ADAMTSL1: variants seen among roughly 807,000 people sequenced by gnomAD.
ADAMTSL1 encodes ADAMTS like 1.
In ADAMTSL1, 126 loss-of-function variants were observed where a neutral mutation model predicts 201.8. That is an observed-to-expected ratio of 0.62 (90% CI 0.54 to 0.72). The LOEUF (loss-of-function observed/expected upper bound fraction) is 0.72. Ranked by LOEUF, ADAMTSL1 falls within the 30% of genes least tolerant of loss-of-function variation. The pLI is 0.00. For synonymous variants in ADAMTSL1, 1,121 were observed against 903.4 expected (o/e 1.24, Z -4.32); for missense variants, 2,679 against 2,277.8 (o/e 1.18, Z -3.59).
At chr9:18,283,543 C>T (rs1428082046) in intron 2 of ADAMTSL1, among the ~76,000 whole-genome samples, 3 of 139,414 alleles carry the variant, frequency 2.2e-5, no homozygotes, top group Admixed American at 7.8e-5. Flanking sequence ...GAAGTTGAGG[C>T]TGCAGTGAGC....
intron 1 of ADAMTSL1, among the ~76,000 whole-genome samples, chr9:17,961,228 C>A (rs1418597818): frequency 6.6e-6 from 1 of 151,962 alleles, no homozygotes; most frequent in African/African-American, 2.4e-5. Flanking sequence ...GGTACAATAA[C>A]TTTTCATGGA....
chr9:18,379,842 AT>A (rs1837473109), intron 2 of ADAMTSL1, among the ~76,000 whole-genome samples: 2 of 152,192 alleles, frequency 1.3e-5, no homozygotes, highest in South Asian at 4.1e-4. Flanking sequence ...AATGAGCAGC[AT>A]TTCCCATTTT....
At position 18,020,738 on chromosome 9, in the gene ADAMTSL1, G is replaced by A. The variant is rs1820447769; in HGVS notation, c.87+113816G>A. ...ATATCACCCGGGTTCCTTGGAACAG[G>A]CATCAACTGACATAGAGGGAGTCTC... is the stretch of plus-strand genomic sequence containing the variant. On this transcript the variant is annotated intron_variant, in intron 1 of 29. Transcript: ENST00000680146. Among the ~76,000 whole-genome samples the A allele has an allele frequency of 3.3e-5, 5 of 152,036 alleles. No homozygotes were observed. In the South Asian group the frequency reaches 8.3e-4, roughly 25 times the overall value.
chr9:18,766,659 C>T (rs1820383194), intron 16 of ADAMTSL1, among the ~76,000 whole-genome samples: 1 of 152,180 alleles, frequency 6.6e-6, no homozygotes, highest in Admixed American at 6.5e-5. Context: ...CTAGTGAGAA[C>T]CCTCTTTCTG....
chr9:18,709,812 G>A (rs1012406520), intron 14 of ADAMTSL1, among the ~76,000 whole-genome samples: 4 of 152,152 alleles, frequency 2.6e-5, no homozygotes, highest in Admixed American at 1.3e-4. Context: ...TAAAATCCAC[G>A]TTAAAATCTA....
chr9:18,428,132 A>AT (rs1296039604), intron 2 of ADAMTSL1, among the ~76,000 whole-genome samples: 3 of 152,100 alleles, frequency 2.0e-5, no homozygotes, highest in African/African-American at 4.8e-5. Flanking sequence ...TCATTATATA[A>AT]TTTTTCCACA....
intron 2 of ADAMTSL1, among the ~76,000 whole-genome samples, chr9:18,382,558 G>C (rs1837601825): frequency 6.6e-6 from 1 of 151,896 alleles, no homozygotes; most frequent in South Asian, 2.1e-4. Flanking sequence ...ACCTCTACTG[G>C]CACATGGAGT....
intron 25 of ADAMTSL1, chr9:18,890,705 C>G (rs888063864): frequency 7.1e-5 from 28 of 392,040 alleles, no homozygotes; most frequent in African/African-American, 5.5e-4. Context: ...CATAGCCTGG[C>G]CCGCTCCTTT....
chr9:18,026,938 G>T (rs1047540352), intron 1 of ADAMTSL1, among the ~76,000 whole-genome samples: 1 of 151,836 alleles, frequency 6.6e-6, no homozygotes, highest in Non-Finnish European at 1.5e-5. Context: ...TCAATCTTGG[G>T]AGTTATGTGT....
At chr9:18,860,464 G>A (rs1827140272) in intron 23 of ADAMTSL1, among the ~76,000 whole-genome samples, 1 of 151,214 alleles carries the variant, frequency 6.6e-6, no homozygotes. Flanking sequence ...TTGTGACAGA[G>A]ACCATATGGC....
rs1051449375 is a variant in ADAMTSL1, at chr9:18,051,112, T to C, written c.88-112750T>C. Among the ~76,000 whole-genome samples the C allele has an allele frequency of 5.9e-5, 9 of 152,076 alleles. No individual in the cohort carries two copies. The South Asian group carries it at 6.2e-4, about 11-fold the overall frequency. The stretch of plus-strand genomic sequence containing the variant: ...GTCAGGAGATGGAGACCATCCTGGC[T>C]AACATAGTGAAACCCCATCTCTACT... On this transcript the variant is annotated intron_variant, in intron 1 of 29. Coordinates refer to the ADAMTSL1 transcript ENST00000680146.
chr9:18,460,269 C>T lies in ADAMTSL1; in HGVS notation c.208-44560C>T, dbSNP rs550387431. 1.1e-4 allele frequency among the ~76,000 whole-genome samples: 16 copies of T among 152,198 alleles called. No homozygotes were observed. In the South Asian group the frequency reaches 2.7e-3, roughly 26 times the overall value. On this transcript the variant is annotated intron_variant, in intron 2 of 29. Transcript: ENST00000680146. ...GTTTTTCAAAATAGTAAATAAACAC[C>T]GTATCTTATTTATAAATCTTGTCAA... is the stretch of plus-strand genomic sequence containing the variant.
At chr9:18,201,007 A>G (rs1563803996) in intron 2 of ADAMTSL1, among the ~76,000 whole-genome samples, 1 of 152,016 alleles carries the variant, frequency 6.6e-6, no homozygotes, top group African/African-American at 2.4e-5. Flanking sequence ...AATCTTTCTC[A>G]ACAGTGAGGA....
chr9:18,811,111 T>C (rs117818209), intron 20 of ADAMTSL1, among the ~76,000 whole-genome samples: 185 of 151,276 alleles, frequency 1.2e-3, no homozygotes, highest in Non-Finnish European at 2.2e-3. Context: ...AGAAAACCTT[T>C]AGAAAATTCT....
chr9:18,283,916 T>TAAAAAAAAAAAAAAA (rs71333034), intron 2 of ADAMTSL1, among the ~76,000 whole-genome samples: 40 of 26,388 alleles, frequency 1.5e-3, no homozygotes, highest in African/African-American at 3.1e-3. Context: ...AGACTCCGTC[T>TAAAAAAAAAAAAAAA]AAAAAAAAAA....
intron 23 of ADAMTSL1, among the ~76,000 whole-genome samples, chr9:18,873,178 C>T (rs1226312235): frequency 2.0e-5 from 3 of 151,506 alleles, no homozygotes; most frequent in Non-Finnish European, 4.4e-5. Flanking sequence ...TATTTGCATT[C>T]CTTATAGATT....
At chr9:18,477,544 G>C (rs1188716718) in intron 1 of ADAMTSL1, among the ~76,000 whole-genome samples, 4 of 152,148 alleles carry the variant, frequency 2.6e-5, no homozygotes, top group Admixed American at 2.0e-4. Context: ...ATTTACAGGA[G>C]ACCGCGGCCT....
intron 5 of ADAMTSL1, among the ~76,000 whole-genome samples, chr9:18,628,181 G>A (rs1421155504): frequency 2.0e-5 from 2 of 101,850 alleles, no homozygotes; most frequent in East Asian, 6.0e-4. Flanking sequence ...CTAAGACCAG[G>A]ACACAAAGAT....
At chr9:18,741,469 A>G (rs1277358474) in intron 15 of ADAMTSL1, among the ~76,000 whole-genome samples, 7 of 152,370 alleles carry the variant, frequency 4.6e-5, no homozygotes, top group Non-Finnish European at 1.0e-4. Context: ...TTTCACTTGT[A>G]GAGAAAACTC....
Sources: gnomAD v4.1 joint callset for allele counts (sites outside exome capture counted in the v4.1 genomes callset) on GRCh38, gnomAD v4.1.1 for gene constraint, MANE v1.5 for transcripts, NCBI Gene and HGNC (gene_info 2026-07-23, HGNC 2026-07-21) for gene names.